The following TCERG1L variants were observed in gnomAD, a reference collection of about 807,000 sequenced individuals.
The protein encoded by TCERG1L is transcription elongation regulator 1 like, also known as transcription elongation regulator 1-like protein.
Under a neutral mutation model 56.3 loss-of-function variants are expected in TCERG1L, and 37 were observed. The ratio of observed to expected loss-of-function variants is 0.66; its 90% confidence interval spans 0.51 to 0.87. TCERG1L has a LOEUF of 0.87. Among genes scored for constraint, TCERG1L ranks in the 40% least tolerant of loss-of-function variants. TCERG1L has a pLI of 0.00. For synonymous variants in TCERG1L, 324 were observed against 326.3 expected, an observed-to-expected ratio of 0.99 and a Z score of 0.08; for missense variants, 799 against 774.2, an observed-to-expected ratio of 1.03 and a Z score of -0.38.
At chr10:131,285,445 C>G (rs150476062) in intron 3 of TCERG1L, among the ~76,000 whole-genome samples, 1,780 of 92,672 alleles carry the variant, frequency 0.019, 40 homozygotes, top group East Asian at 0.062. Flanking sequence ...GAAAGAGAAA[C>G]AAAGAAAGAG....
intron 9 of TCERG1L, among the ~76,000 whole-genome samples, chr10:131,107,197 A>G (rs950885514): frequency 2.0e-5 from 3 of 152,194 alleles, no homozygotes; most frequent in East Asian, 1.9e-4. Flanking sequence ...ACTCAGCCCA[A>G]TAAGATGGCA....
At chr10:131,301,649 C>T (rs1433412945) in intron 3 of TCERG1L, among the ~76,000 whole-genome samples, 1 of 151,780 alleles carries the variant, frequency 6.6e-6, no homozygotes, top group Non-Finnish European at 1.5e-5. Flanking sequence ...GTAACCTCGT[C>T]TGCTTTTTAA....
chr10:131,146,771 G>T, intron 6 of TCERG1L, 111 bp from the exon 7 acceptor site: 3 of 1,279,984 alleles, frequency 2.3e-6, no homozygotes, highest in Non-Finnish European at 1.1e-6. Flanking sequence ...CCACACATTT[G>T]CAAAGCTTGT....
In TCERG1L at chr10:131,117,052, C is replaced by A. The variant is rs1256750632; in HGVS notation, c.1260-118G>T. 3.0e-6 allele frequency: 4 copies of A among 1,331,594 alleles called. 1 individual carries two copies. Among genetic ancestry groups the A allele is most frequent in the Non-Finnish European group, 2.0e-6 (2 of 995,252 alleles). The allele number at this position is 1,331,594 out of a possible 1,614,324, so 82.5% of individuals were successfully genotyped here. On this transcript the variant is annotated intron_variant, in intron 8 of 11. Coordinates refer to ENST00000368642, the MANE Select transcript of TCERG1L (RefSeq NM_174937.4). ...TTCAGAAGCACAGTCTCCTTGACAA[C>A]TCTTTATAAAGCCTGAGGCGGTCTC... is the stretch of plus-strand genomic sequence containing the variant.
chr10:131,271,484 C>T (rs1163718794), intron 3 of TCERG1L, among the ~76,000 whole-genome samples: 4 of 152,218 alleles, frequency 2.6e-5, no homozygotes, highest in Non-Finnish European at 5.9e-5. Flanking sequence ...GCCAGACCCT[C>T]CCTGCCTGGC....
At chr10:131,264,499 G>A (rs1230657525) in intron 3 of TCERG1L, among the ~76,000 whole-genome samples, 1 of 152,350 alleles carries the variant, frequency 6.6e-6, no homozygotes, top group Non-Finnish European at 1.5e-5. Flanking sequence ...AAGCCTGAGT[G>A]TGATACTTTG....
Position 131,260,364 on chromosome 10 carries a change from C to T in TCERG1L, c.751G>A (p.Val251Met), listed in dbSNP as rs761516495. 2.5e-5 allele frequency: 38 copies of T among 1,497,790 alleles called. No individual in the cohort carries two copies. Among genetic ancestry groups the T allele is most frequent in the South Asian group, 1.7e-4 (12 of 71,040 alleles). The allele number at this position is 1,497,790 out of a possible 1,614,324, so 92.8% of individuals were successfully genotyped here. The stretch of plus-strand genomic sequence containing the variant: ...GGGCCCCGGAGGTTCTCAGGGTCCA[C>T]GGAGACCATGGCAGCGGCGGCGGCG... ...ATAAAAAMVS[V>M]DPENLRGPSP... is the part of the protein sequence containing the mutation. Residue 251 changes from valine (V) to methionine (M), a missense_variant, in exon 4 of 12, where the codon GTG (valine) becomes ATG (methionine). Val to Met is a conservative substitution (Grantham distance 21). Transcript: ENST00000368642. The surrounding 1 kb of genome is among the most constrained non-coding windows in gnomAD (Gnocchi z 5.8).
At chr10:131,146,989 C>T (rs1234988318) in intron 6 of TCERG1L, among the ~76,000 whole-genome samples, 1 of 152,168 alleles carries the variant, frequency 6.6e-6, no homozygotes, top group African/African-American at 2.4e-5. Flanking sequence ...AGTGAAATTC[C>T]ATTCCAGATG....
At chr10:131,151,120 CA>C (rs879479994) in intron 6 of TCERG1L, among the ~76,000 whole-genome samples, 2 of 152,202 alleles carry the variant, frequency 1.3e-5, no homozygotes, top group Admixed American at 1.3e-4. Context: ...CAAACCATAT[CA>C]TTCCACCACT....
chr10:131,099,404 C>T (rs745985082), intron 10 of TCERG1L, among the ~76,000 whole-genome samples: 2 of 152,328 alleles, frequency 1.3e-5, no homozygotes, highest in Non-Finnish European at 2.9e-5. Flanking sequence ...TAATGCTACC[C>T]CAAACTCAAG....
chr10:131,195,963 T>C (rs1845358623), intron 4 of TCERG1L, among the ~76,000 whole-genome samples: 1 of 152,152 alleles, frequency 6.6e-6, no homozygotes. Flanking sequence ...TCCCCAGAAC[T>C]GGGCAGCGGG....
intron 9 of TCERG1L, among the ~76,000 whole-genome samples, chr10:131,106,755 A>T (rs1845355105): frequency 6.6e-6 from 1 of 152,232 alleles, no homozygotes. Flanking sequence ...TTACAAAAAC[A>T]AAACCCCATT....
At chr10:131,240,814 A>G (rs1002630364) in intron 4 of TCERG1L, among the ~76,000 whole-genome samples, 20 of 152,210 alleles carry the variant, frequency 1.3e-4, no homozygotes, top group Admixed American at 1.1e-3. Flanking sequence ...TGAGAGAGAA[A>G]CACGGGCTTC....
intron 4 of TCERG1L, among the ~76,000 whole-genome samples, chr10:131,246,013 G>A (rs908808790): frequency 1.1e-4 from 16 of 152,186 alleles, no homozygotes; most frequent in Admixed American, 2.6e-4. Flanking sequence ...CCCAAGTGTC[G>A]GGTCTTCTGG....
intron 6 of TCERG1L, among the ~76,000 whole-genome samples, chr10:131,148,105 C>A (rs775281736): frequency 6.6e-6 from 1 of 152,214 alleles, no homozygotes; most frequent in Non-Finnish European, 1.5e-5. Flanking sequence ...AAGACGTCCA[C>A]GTCCTGATCC....
intron 4 of TCERG1L, among the ~76,000 whole-genome samples, chr10:131,249,430 G>T (rs867135680): frequency 6.6e-6 from 1 of 151,114 alleles, no homozygotes; most frequent in Non-Finnish European, 1.5e-5. Context: ...CTACCCCAGC[G>T]TAGGGGCTTT....
At chr10:131,239,352 A>C (rs1357892532) in intron 4 of TCERG1L, among the ~76,000 whole-genome samples, 1 of 152,266 alleles carries the variant, frequency 6.6e-6, no homozygotes, top group African/African-American at 2.4e-5. Context: ...CGATGCCACG[A>C]ATAAGAATGA....
intron 3 of TCERG1L, among the ~76,000 whole-genome samples, chr10:131,300,414 C>T (rs536037172): frequency 1.7e-4 from 26 of 152,236 alleles, no homozygotes; most frequent in African/African-American, 6.0e-4. Flanking sequence ...TGGAAAAAGG[C>T]GTTCCATGTT....
intron 4 of TCERG1L, among the ~76,000 whole-genome samples, chr10:131,173,561 T>C (rs1046166061): frequency 6.6e-6 from 1 of 152,186 alleles, no homozygotes; most frequent in African/African-American, 2.4e-5. Context: ...ACCCTGCCCC[T>C]GGGAAGGTGC....
Sources: allele counts gnomAD v4.1 joint callset (sites outside exome capture counted in the v4.1 genomes callset), GRCh38; gene constraint gnomAD v4.1.1; non-coding constraint Gnocchi (gnomAD v3.1); transcripts MANE v1.5; gene names NCBI Gene and HGNC (gene_info 2026-07-23, HGNC 2026-07-21).